Variants in ANK2 observed in about 807,000 individuals in gnomAD.
ANK2 encodes ankyrin 2, also known as ankyrin-2.
Under a neutral mutation model 360.5 loss-of-function variants are expected in ANK2, and 83 were observed. That is an observed-to-expected ratio of 0.23 (90% confidence interval 0.19 to 0.28). The LOEUF (loss-of-function observed/expected upper bound fraction) is 0.28, where lower values mean the gene tolerates loss of function less well. ANK2 is among the 10% of genes least tolerant of loss of function. The pLI is 1.00. For synonymous variants in ANK2, 1,740 were observed against 1,759.5 expected (o/e 0.99, Z 0.28); for missense variants, 4,201 against 4,795.7 (o/e 0.88, Z 3.66).
At chr4:113,017,996 A>G (rs907244264) in intron 2 of ANK2, among the ~76,000 whole-genome samples, 2 of 152,266 alleles carry the variant, frequency 1.3e-5, no homozygotes, top group Admixed American at 6.5e-5. Context: ...ATGAGATACA[A>G]AAAAGAAAGT....
At chr4:112,842,410 T>C (rs1243297576) in intron 1 of ANK2, among the ~76,000 whole-genome samples, 2 of 152,206 alleles carry the variant, frequency 1.3e-5, no homozygotes, top group African/African-American at 2.4e-5. Flanking sequence ...AGAGTAATGA[T>C]TCGTAAGAGT....
intron 2 of ANK2, among the ~76,000 whole-genome samples, chr4:113,017,704 T>C (rs1579127895): frequency 6.6e-6 from 1 of 152,158 alleles, no homozygotes; most frequent in Non-Finnish European, 1.5e-5. Context: ...CACTTGAAAA[T>C]GGATTAGAAA....
intron 2 of ANK2, among the ~76,000 whole-genome samples, chr4:113,036,359 C>T (rs1003207258): frequency 6.6e-6 from 1 of 151,564 alleles, no homozygotes; most frequent in Admixed American, 6.6e-5. Context: ...AGTAATCACA[C>T]ATTTGAAGAG....
chr4:113,270,865 G>A (rs1057430607), intron 14 of ANK2, among the ~76,000 whole-genome samples: 13 of 152,262 alleles, frequency 8.5e-5, no homozygotes, highest in Admixed American at 3.3e-4. Context: ...ATTTTAAAGC[G>A]TACTTTCACC....
rs539298479 is a variant in ANK2 at position 113,360,848 on chromosome 4, C to T, written c.10707C>T (p.Ile3569=). 117 of 1,612,688 alleles carry T rather than the reference C, an allele frequency of 7.3e-5. 1 individual carries two copies. The South Asian group carries it at 1.0e-3, about 14-fold the overall frequency. ...AEDPQDEQER[I]EERLAYIADH... ...ATCCACAGGATGAGCAGGAACGGAT[C>T]GAGGAAAGGCTGGCTTATATTGCTG... The change falls in exon 39 of 46, where the codon ATC becomes ATT. Residue 3569 remains isoleucine (I), a synonymous_variant. Coordinates refer to ENST00000357077, the MANE Select transcript of ANK2 (RefSeq NM_001148.6).
At chr4:113,050,550 C>T (rs2154323496) in intron 1 of ANK2, among the ~76,000 whole-genome samples, 1 of 152,232 alleles carries the variant, frequency 6.6e-6, no homozygotes, top group South Asian at 2.1e-4. Context: ...CTATTCAGCC[C>T]CACCCAATGC....
chr4:113,238,760 T>C (rs1447697212), intron 7 of ANK2, among the ~76,000 whole-genome samples: 2 of 152,158 alleles, frequency 1.3e-5, no homozygotes, highest in Admixed American at 6.5e-5. Context: ...TCTAATCCTG[T>C]AGAAATGTGA....
At chr4:113,239,476 A>C (rs1248267957) in intron 7 of ANK2, among the ~76,000 whole-genome samples, 1 of 152,152 alleles carries the variant, frequency 6.6e-6, no homozygotes, top group Non-Finnish European at 1.5e-5. Flanking sequence ...TAACCCAAAA[A>C]CTGCAGGATG....
At chr4:113,176,295 G>A (rs2098196194) in intron 2 of ANK2, among the ~76,000 whole-genome samples, 1 of 152,194 alleles carries the variant, frequency 6.6e-6, no homozygotes, top group African/African-American at 2.4e-5. Context: ...TTATGAAACA[G>A]TAATGGTTTA....
At chr4:113,164,157 T>G (rs1032113041) in intron 1 of ANK2, among the ~76,000 whole-genome samples, 8 of 152,174 alleles carry the variant, frequency 5.3e-5, no homozygotes, top group Admixed American at 5.2e-4. Flanking sequence ...CCCAGCACTT[T>G]GGGAGGCCAA....
chr4:112,988,286 T>C (rs764642722), intron 2 of ANK2, among the ~76,000 whole-genome samples: 2 of 152,260 alleles, frequency 1.3e-5, no homozygotes, highest in Non-Finnish European at 2.9e-5. Flanking sequence ...AAATCAAGTA[T>C]ACTCGATGGA....
chr4:113,380,637 G>C (rs1215766866), intron 45 of ANK2, among the ~76,000 whole-genome samples: 1 of 152,240 alleles, frequency 6.6e-6, no homozygotes, highest in Non-Finnish European at 1.5e-5. Flanking sequence ...ACTCCAGCCT[G>C]GGTGACAGAA....
the ANK2 span, among the ~76,000 whole-genome samples, chr4:112,731,179 TACTTGGGAGACCAAGATG>T: frequency 6.6e-6 from 1 of 150,712 alleles, no homozygotes; most frequent in East Asian, 2.0e-4. Context: ...TAGTCCCAGC[TACTTGGGAGACCAAGATG>T]GGAGGATTGC....
the ANK2 span, among the ~76,000 whole-genome samples, chr4:112,707,317 G>GT: frequency 1.3e-5 from 2 of 152,168 alleles, no homozygotes; most frequent in Non-Finnish European, 2.9e-5. Flanking sequence ...TTTAATATGT[G>GT]TAAGTAGTGT....
chr4:112,771,176 G>C, the ANK2 span, among the ~76,000 whole-genome samples: 1 of 152,142 alleles, frequency 6.6e-6, no homozygotes. Context: ...GCAATGGTGC[G>C]ATCTTGGCTT....
At chr4:112,889,585 CTAAT>C (rs1273549289) in intron 1 of ANK2, among the ~76,000 whole-genome samples, 1 of 150,502 alleles carries the variant, frequency 6.6e-6, no homozygotes, top group African/African-American at 2.4e-5. Context: ...GACTGGGTTC[CTAAT>C]TATTTTCTTA....
At chr4:113,039,990 A>C (rs1200147322) in intron 2 of ANK2, among the ~76,000 whole-genome samples, 1 of 152,028 alleles carries the variant, frequency 6.6e-6, no homozygotes, top group Non-Finnish European at 1.5e-5. Context: ...AAGCTGGTTT[A>C]AGATAGAAAA....
intron 1 of ANK2, among the ~76,000 whole-genome samples, chr4:113,060,880 T>A (rs1056869247): frequency 6.6e-6 from 1 of 152,072 alleles, no homozygotes; most frequent in African/African-American, 2.4e-5. Context: ...GCACTTCAAC[T>A]GTATTTGTCA....
intron 45 of ANK2, 106 bp from the exon 46 acceptor site, chr4:113,381,351 C>A: frequency 8.0e-7 from 1 of 1,250,542 alleles, no homozygotes; most frequent in Non-Finnish European, 1.2e-6. Flanking sequence ...GTGGAAACAT[C>A]TAAAGGTAAG....
Sources: allele counts gnomAD v4.1 joint callset (sites outside exome capture counted in the v4.1 genomes callset), GRCh38; gene constraint gnomAD v4.1.1; transcripts MANE v1.5; gene names NCBI Gene and HGNC (gene_info 2026-07-23, HGNC 2026-07-21).